CFAP299: variants seen among roughly 807,000 people sequenced by gnomAD.
CFAP299 encodes the protein cilia- and flagella-associated protein 299.
A neutral mutation model predicts 27.0 loss-of-function variants in CFAP299; 21 were observed. The ratio of observed to expected loss-of-function variants is 0.78; its 90% CI spans 0.55 to 1.12. The LOEUF is 1.12. Among genes scored for constraint, CFAP299 ranks in the 50% most tolerant of loss-of-function variants. The probability of loss-of-function intolerance (pLI) is 0.00; values close to 1 mark genes in which losing one functional copy is unlikely to be tolerated. For missense variants in CFAP299, 310 were observed against 276.6 expected (o/e 1.12, Z -0.86); for synonymous variants, 104 against 98.1 (o/e 1.06, Z -0.36).
At chr4:80,905,942 C>T (rs1187510326) in intron 4 of CFAP299, among the ~76,000 whole-genome samples, 2 of 152,132 alleles carry the variant, frequency 1.3e-5, no homozygotes, top group African/African-American at 4.8e-5. Flanking sequence ...TCTCACATTT[C>T]AAAACACAAT....
chr4:80,536,011 A>G (rs1246553062), intron 2 of CFAP299, among the ~76,000 whole-genome samples: 1 of 152,206 alleles, frequency 6.6e-6, no homozygotes, highest in Non-Finnish European at 1.5e-5. Context: ...AACTGATAAT[A>G]TTTAACATAA....
chr4:80,357,543 G>T (rs969287408), intron 1 of CFAP299, among the ~76,000 whole-genome samples: 1 of 152,028 alleles, frequency 6.6e-6, no homozygotes, highest in Non-Finnish European at 1.5e-5. Flanking sequence ...AAGGATTCAA[G>T]TTCTTCCTGG....
At chr4:80,669,294 G>A (rs1741335252) in intron 3 of CFAP299, among the ~76,000 whole-genome samples, 1 of 150,478 alleles carries the variant, frequency 6.6e-6, no homozygotes, top group Admixed American at 6.6e-5. Flanking sequence ...CTTCCAAGTA[G>A]CTGGCATGTG....
At chr4:80,665,176 C>T (rs867991379) in intron 3 of CFAP299, among the ~76,000 whole-genome samples, 11 of 152,152 alleles carry the variant, frequency 7.2e-5, no homozygotes, top group African/African-American at 2.4e-4. Context: ...TCTATTTGGC[C>T]ATCTTGCCAG....
At chr4:80,913,883 T>C (rs1176224673) in intron 4 of CFAP299, among the ~76,000 whole-genome samples, 2 of 152,144 alleles carry the variant, frequency 1.3e-5, no homozygotes, top group Non-Finnish European at 2.9e-5. Flanking sequence ...GCCCCATTGA[T>C]CCACTTTTTT....
chr4:80,689,209 T>G (rs1720466677), intron 3 of CFAP299, among the ~76,000 whole-genome samples: 1 of 152,006 alleles, frequency 6.6e-6, no homozygotes, highest in Non-Finnish European at 1.5e-5. Flanking sequence ...AAGATACTCC[T>G]CGAGAAGAGC....
At chr4:80,686,073 G>A (rs928585133) in intron 3 of CFAP299, among the ~76,000 whole-genome samples, 1 of 151,850 alleles carries the variant, frequency 6.6e-6, no homozygotes, top group Non-Finnish European at 1.5e-5. Context: ...AATTTACACT[G>A]ACCAACCAAG....
At chr4:80,947,001 A>C (rs948047397) in intron 5 of CFAP299, among the ~76,000 whole-genome samples, 2 of 152,210 alleles carry the variant, frequency 1.3e-5, no homozygotes, top group Non-Finnish European at 2.9e-5. Flanking sequence ...ATTTTAACTA[A>C]TGGCATATTT....
chr4:80,499,290 C>T (rs2110149290), intron 2 of CFAP299, among the ~76,000 whole-genome samples: 1 of 152,170 alleles, frequency 6.6e-6, no homozygotes. Context: ...GGAAAAATGT[C>T]ATTCAATCTT....
At chr4:80,746,319 T>C (rs1724586858) in intron 3 of CFAP299, among the ~76,000 whole-genome samples, 1 of 152,078 alleles carries the variant, frequency 6.6e-6, no homozygotes, top group South Asian at 2.1e-4. Flanking sequence ...TAGTAGCTTT[T>C]TAAAACTATT....
chr4:80,850,606 G>C (rs1314680650), intron 3 of CFAP299, among the ~76,000 whole-genome samples: 7 of 151,956 alleles, frequency 4.6e-5, no homozygotes, highest in Non-Finnish European at 8.8e-5. Context: ...GGAGAGGTGA[G>C]AGTGGTCCTA....
intron 3 of CFAP299, among the ~76,000 whole-genome samples, chr4:80,584,972 A>T (rs894608468): frequency 5.3e-5 from 8 of 152,094 alleles, no homozygotes; most frequent in Non-Finnish European, 1.2e-4. Context: ...TATGGAGGAA[A>T]AACATAAAAA....
chr4:80,348,232 C>G (rs1398580433), intron 1 of CFAP299, among the ~76,000 whole-genome samples: 1 of 152,124 alleles, frequency 6.6e-6, no homozygotes, highest in Non-Finnish European at 1.5e-5. Context: ...AGGACGTCAG[C>G]ATGGGCAAAG....
chr4:80,721,191 G>A (rs1722790070), intron 3 of CFAP299, among the ~76,000 whole-genome samples: 1 of 152,184 alleles, frequency 6.6e-6, no homozygotes, highest in Middle Eastern at 3.4e-3. Flanking sequence ...AAGAAATAAT[G>A]GCTGAAAATT....
chr4:80,513,670 A>G (rs1358871660), intron 2 of CFAP299, among the ~76,000 whole-genome samples: 2 of 152,158 alleles, frequency 1.3e-5, no homozygotes. Flanking sequence ...GGCATCTAAT[A>G]GATATGTGTT....
At chr4:80,835,102 G>T (rs2110134279) in intron 3 of CFAP299, among the ~76,000 whole-genome samples, 1 of 152,036 alleles carries the variant, frequency 6.6e-6, no homozygotes, top group Non-Finnish European at 1.5e-5. Context: ...CTTGAATAGT[G>T]CTTGAATTTT....
intron 2 of CFAP299, among the ~76,000 whole-genome samples, chr4:80,546,821 C>T (rs887186320): frequency 1.3e-5 from 2 of 152,182 alleles, no homozygotes; most frequent in Admixed American, 6.6e-5. Context: ...CATGTTTGTA[C>T]AGCCTGCAGA....
At chr4:80,854,810 GAAAAAAAAAAAAA>G (rs58533748) in intron 3 of CFAP299, among the ~76,000 whole-genome samples, 3 of 43,360 alleles carry the variant, frequency 6.9e-5, no homozygotes, top group Non-Finnish European at 9.4e-5. Flanking sequence ...CTGTTGCTAT[GAAAAAAAAAAAAA>G]AAAAAAAAAA....
intron 3 of CFAP299, among the ~76,000 whole-genome samples, chr4:80,633,057 T>C (rs985955680): frequency 2.0e-5 from 3 of 152,238 alleles, no homozygotes; most frequent in Admixed American, 6.5e-5. Context: ...TTAAAATGCC[T>C]TTTAAAAATT....
Sources: gnomAD v4.1 joint callset for allele counts (sites outside exome capture counted in the v4.1 genomes callset) on GRCh38, gnomAD v4.1.1 for gene constraint, MANE v1.5 for transcripts, NCBI Gene and HGNC (gene_info 2026-07-23, HGNC 2026-07-21) for gene names.